ZNF831: variants seen among roughly 807,000 people sequenced by gnomAD.
ZNF831 encodes the protein zinc finger protein 831.
In ZNF831, 59 loss-of-function variants were observed where a neutral mutation model predicts 95.8. The ratio of observed to expected loss-of-function variants is 0.62; its 90% CI spans 0.50 to 0.77. The LOEUF is 0.77. Among genes scored for constraint, ZNF831 ranks in the 30% least tolerant of loss-of-function variants. The probability of loss-of-function intolerance (pLI) is 0.00; values close to 1 mark genes in which losing one functional copy is unlikely to be tolerated. For missense variants in ZNF831, 2,205 were observed against 2,164.0 expected (o/e 1.02, Z -0.38); for synonymous variants, 961 against 925.5 (o/e 1.04, Z -0.70).
At chr20:59,235,397 C>T (rs1444559546) in intron 4 of ZNF831, among the ~76,000 whole-genome samples, 1 of 152,124 alleles carries the variant, frequency 6.6e-6, no homozygotes, top group East Asian at 1.9e-4. Flanking sequence ...CGTTTCCTTT[C>T]GTTGTAACCT....
At chr20:59,124,063 C>T (rs1236441030) in intron 1 of ZNF831, among the ~76,000 whole-genome samples, 2 of 152,134 alleles carry the variant, frequency 1.3e-5, no homozygotes, top group Non-Finnish European at 2.9e-5. Context: ...GGTTCAGGTG[C>T]GGGGACAAGG....
intron 4 of ZNF831, among the ~76,000 whole-genome samples, chr20:59,225,850 A>G (rs900458454): frequency 1.3e-5 from 2 of 152,202 alleles, no homozygotes; most frequent in African/African-American, 2.4e-5. Flanking sequence ...ACCCAGCTCA[A>G]AAAGGTTTAA....
intron 4 of ZNF831, among the ~76,000 whole-genome samples, chr20:59,211,452 G>A (rs1717372275): frequency 6.6e-6 from 1 of 152,230 alleles, no homozygotes; most frequent in African/African-American, 2.4e-5. Context: ...GGGAAGGCTA[G>A]TAGGGCAAAC....
intron 1 of ZNF831, among the ~76,000 whole-genome samples, chr20:59,171,130 G>A (rs1053040521): frequency 6.6e-6 from 1 of 152,224 alleles, no homozygotes. Context: ...TGCAGAGGGA[G>A]TGAGTCCTGG....
At chr20:59,243,861 A>AT (rs1456646244) in intron 4 of ZNF831, among the ~76,000 whole-genome samples, 1 of 152,214 alleles carries the variant, frequency 6.6e-6, no homozygotes, top group Non-Finnish European at 1.5e-5. Flanking sequence ...TAGAGTTAAG[A>AT]AAGTTTGAAA....
chr20:59,192,402 A>G lies in ZNF831; in HGVS notation c.1383A>G (p.Pro461=), dbSNP rs1245550512. The G allele has an allele frequency of 6.2e-7, 1 of 1,611,920 alleles. No homozygotes were observed. Among genetic ancestry groups the G allele is most frequent in the Non-Finnish European group, 8.5e-7 (1 of 1,179,482 alleles). The change falls in exon 2 of 6, where the codon CCA becomes CCG. Residue 461 remains proline, a synonymous_variant. Coordinates refer to ENST00000371030, the MANE Select transcript of ZNF831 (RefSeq NM_178457.3). The surrounding 1 kb of genome is among the most constrained non-coding windows in gnomAD (Gnocchi z 5.2). ...ACTTTGACATCCGCGCGCTGGAGCC[A>G]GGCCGTAGGAGGGCCCCGGGCCCCG... ...SFHFDIRALE[P]GRRRAPGPVR... is the part of the protein sequence containing the mutation.
rs1210619090 is a variant in ZNF831, at chr20:59,191,095, G to T, written c.76G>T (p.Ala26Ser). ...AGCTCCCACTCCTGGCCCTCCAGGG[G>T]CCCCAGGTGGCCAGGCCTCACCTCA... ...QPAPTPGPPG[A>S]PGGQASPHLT... The change falls in exon 2 of 6, where the codon GCC becomes TCC. Residue 26 changes from alanine to serine, a missense_variant. Physicochemically the swap from Ala to Ser is moderately conservative, Grantham distance 99. Coordinates refer to ENST00000371030, the MANE Select transcript of ZNF831 (RefSeq NM_178457.3). 14 of 1,554,844 alleles carry T rather than the reference G, an allele frequency of 9.0e-6. No individual in the cohort carries two copies. The East Asian group carries it at 3.0e-4, about 33-fold the overall frequency.
Position 59,143,388 on chromosome 20 carries a change from G to A in ZNF831, c.-1424-2843G>A, listed in dbSNP as rs573321528. Reference sequence around the variant, plus strand: ...GATGGAACTGGCTAGTGTGAGTCCCGTTCAGAGTCTATGTCAGAAACTTAG... The same window carrying A: ...GATGGAACTGGCTAGTGTGAGTCCCATTCAGAGTCTATGTCAGAAACTTAG... On this transcript the variant is annotated intron_variant, in intron 1 of 7. Transcript: ENST00000637017. 1.2e-4 allele frequency among the ~76,000 whole-genome samples: 18 copies of A among 152,324 alleles called. No homozygotes were observed. In the East Asian group the frequency reaches 2.5e-3, roughly 21 times the overall value.
At position 59,254,878 on chromosome 20, in the gene ZNF831, C is replaced by G; in HGVS notation, c.*135C>G. ...TAGGAAAGCCATTTTGAGTTATTTA[C>G]AAGCCAACTCCAACCAACTTCTGAC... On this transcript the variant is annotated 3_prime_UTR_variant, in exon 6 of 6. Coordinates refer to ENST00000371030, the MANE Select transcript of ZNF831 (RefSeq NM_178457.3). The surrounding 1 kb of genome is among the most constrained non-coding windows in gnomAD (Gnocchi z 4.5). 1.5e-6 allele frequency: 2 copies of G among 1,292,226 alleles called. No homozygotes were observed. The highest frequency in any genetic ancestry group is 1.6e-5 in the South Asian group (1 of 62,820). The allele number at this position is 1,292,226 out of a possible 1,614,324, so 80.0% of individuals were successfully genotyped here.
rs1985804268 is a variant in ZNF831 at position 59,217,913 on chromosome 20, T to TG, written c.4027+10863dup. ...AGAGGCACGATGGATCAGCCTGCTC[T>TG]GGGGGGACTCTGTCACTGCAAAGGA... On this transcript the variant is annotated intron_variant, in intron 4 of 5. Coordinates refer to ENST00000371030, the MANE Select transcript of ZNF831 (RefSeq NM_178457.3). This position sits in a 1 kb window ranked among gnomAD's most constrained non-coding sequence, Gnocchi z 4.4. 1.3e-5 allele frequency among the ~76,000 whole-genome samples: 2 copies of TG among 152,192 alleles called. No individual in the cohort carries two copies. The highest frequency in any genetic ancestry group is 2.1e-4 in the South Asian group (1 of 4,828).
intron 4 of ZNF831, among the ~76,000 whole-genome samples, chr20:59,223,838 G>A (rs1173210567): frequency 6.6e-6 from 1 of 151,844 alleles, no homozygotes; most frequent in Non-Finnish European, 1.5e-5. Context: ...ATACACGCAC[G>A]GACGTGCACT....
chr20:59,143,405 G>A (rs894188646), intron 1 of ZNF831, among the ~76,000 whole-genome samples: 1 of 152,210 alleles, frequency 6.6e-6, no homozygotes, highest in Non-Finnish European at 1.5e-5. Context: ...GTCTATGTCA[G>A]AAACTTAGCT....
Position 59,154,198 on chromosome 20 carries a change from G to T in ZNF831, c.-1280-5454G>T, listed in dbSNP as rs368698379. On this transcript the variant is annotated intron_variant, in intron 2 of 7. Transcript: ENST00000637017. ...TTTGGCAGTGGGGAGATCACTTCTT[G>T]CAGTGGGTTGGGAGAGCCAGATTTG... Among the ~76,000 whole-genome samples the T allele has an allele frequency of 2.6e-5, 4 of 152,316 alleles. No homozygotes were observed. The East Asian group carries it at 7.7e-4, about 29-fold the overall frequency.
At chr20:59,222,954 AC>A (rs980253920) in intron 4 of ZNF831, among the ~76,000 whole-genome samples, 2 of 151,694 alleles carry the variant, frequency 1.3e-5, no homozygotes, top group African/African-American at 4.8e-5. Context: ...ATCGGCTGGG[AC>A]CCCCCGCTGA....
intron 4 of ZNF831, among the ~76,000 whole-genome samples, chr20:59,252,333 G>C (rs550643154): frequency 1.5e-4 from 22 of 151,056 alleles, no homozygotes; most frequent in South Asian, 4.3e-4. Context: ...CTCATATCAT[G>C]ATGGAACCTG....
chr20:59,232,994 G>GCA (rs59267396), intron 4 of ZNF831, among the ~76,000 whole-genome samples: 17,307 of 122,884 alleles, frequency 0.14, 1,309 homozygotes, highest in East Asian at 0.2. Flanking sequence ...GGACCCTGAG[G>GCA]CACACACACA....
chr20:59,235,675 C>A (rs1568787731), intron 4 of ZNF831, among the ~76,000 whole-genome samples: 2 of 151,984 alleles, frequency 1.3e-5, no homozygotes, highest in Admixed American at 1.3e-4. Context: ...AGAGGTGCTA[C>A]CTATAAAAAA....
rs1986064424 is a variant in ZNF831 at position 59,221,402 on chromosome 20, C to A, written c.4027+14346C>A. On this transcript the variant is annotated intron_variant, in intron 4 of 5. Transcript: ENST00000371030. ...AAGCTCCAACTCGTCCCAGAGGCCT[C>A]CCTGGCAATACTGTGCTCTTGTAGG... is the stretch of plus-strand genomic sequence containing the variant. Among the ~76,000 whole-genome samples, 3 of 152,308 alleles carry A rather than the reference C, an allele frequency of 2.0e-5. No individual in the cohort carries two copies. In the South Asian group the frequency reaches 6.2e-4, roughly 32 times the overall value.
At chr20:59,127,272 CT>C (rs1177409477) in intron 1 of ZNF831, among the ~76,000 whole-genome samples, 1 of 152,212 alleles carries the variant, frequency 6.6e-6, no homozygotes. Context: ...TCCATTTCCC[CT>C]GATCATAGAC....
Sources: allele counts gnomAD v4.1 joint callset (sites outside exome capture counted in the v4.1 genomes callset), GRCh38; gene constraint gnomAD v4.1.1; non-coding constraint Gnocchi (gnomAD v3.1); transcripts MANE v1.5; gene names NCBI Gene and HGNC (gene_info 2026-07-23, HGNC 2026-07-21).